HMGCLL1: variants seen among roughly 807,000 people sequenced by gnomAD.
HMGCLL1 encodes the protein 3-hydroxymethyl-3-methylglutaryl-CoA lyase, cytoplasmic.
HMGCLL1 carries 36 observed loss-of-function variants against 39.1 expected under a neutral mutation model. That is an observed-to-expected ratio of 0.92 (90% CI 0.71 to 1.22). The LOEUF (loss-of-function observed/expected upper bound fraction) is 1.22, where lower values mean the gene tolerates loss of function less well. Ranked by LOEUF, HMGCLL1 falls within the 50% of genes most tolerant of loss-of-function variation. HMGCLL1 has a pLI of 0.00. For synonymous variants in HMGCLL1, 149 were observed against 144.0 expected (o/e 1.03, Z -0.25); for missense variants, 451 against 416.5 (o/e 1.08, Z -0.72).
the HMGCLL1 span, among the ~76,000 whole-genome samples, chr6:55,592,804 G>A: frequency 6.6e-6 from 1 of 152,000 alleles, no homozygotes; most frequent in African/African-American, 2.4e-5. Flanking sequence ...TGATTCCTAT[G>A]TTACAGATGA....
At chr6:55,592,025 T>C in the HMGCLL1 span, among the ~76,000 whole-genome samples, 1 of 152,144 alleles carries the variant, frequency 6.6e-6, no homozygotes, top group Non-Finnish European at 1.5e-5. Context: ...TTTATAACTT[T>C]CAAATTACAT....
chr6:55,533,968 A>G (rs1768855590), intron 3 of HMGCLL1, among the ~76,000 whole-genome samples: 1 of 151,916 alleles, frequency 6.6e-6, no homozygotes, highest in African/African-American at 2.4e-5. Context: ...GTCTGGACAT[A>G]AAAAACAGCT....
At chr6:55,477,828 A>T (rs1408744438) in intron 7 of HMGCLL1, among the ~76,000 whole-genome samples, 1 of 150,790 alleles carries the variant, frequency 6.6e-6, no homozygotes, top group Non-Finnish European at 1.5e-5. Context: ...TTTGTTTAGA[A>T]TTTGTCATCA....
Position 55,579,084 on chromosome 6 carries a change from G to A in HMGCLL1, c.-29C>T, listed in dbSNP as rs767000602. On this transcript the variant is annotated 5_prime_UTR_variant, in exon 1 of 9. Coordinates refer to ENST00000274901, the MANE Select transcript of HMGCLL1 (RefSeq NM_001042406.2). ...GGAGCCTGGGGCGGCAGTCGGCGAG[G>A]GGAGGGAGACTGGAGGAGGATGAGG... The A allele has an allele frequency of 6.5e-7, 1 of 1,542,782 alleles. No homozygotes were observed. The highest frequency in any genetic ancestry group is 1.1e-5 in the South Asian group (1 of 87,208).
chr6:55,642,290 T>G, the HMGCLL1 span, among the ~76,000 whole-genome samples: 1 of 151,526 alleles, frequency 6.6e-6, no homozygotes, highest in Non-Finnish European at 1.5e-5. Flanking sequence ...TGCCACATTT[T>G]CTTAATCCAG....
At chr6:55,577,168 C>A in intron 1 of HMGCLL1, 1 of 1,577,426 alleles carries the variant, frequency 6.3e-7, no homozygotes, top group Non-Finnish European at 8.6e-7. Flanking sequence ...GAAGAGAAGT[C>A]TAGGAAGATA....
At chr6:55,607,598 C>G in the HMGCLL1 span, among the ~76,000 whole-genome samples, 1 of 152,076 alleles carries the variant, frequency 6.6e-6, no homozygotes, top group African/African-American at 2.4e-5. Flanking sequence ...AATAAAGGAC[C>G]AGCATCTCAG....
the HMGCLL1 span, among the ~76,000 whole-genome samples, chr6:55,589,501 A>C: frequency 6.6e-6 from 1 of 152,186 alleles, no homozygotes; most frequent in South Asian, 2.1e-4. Context: ...CAAGACAGGG[A>C]TGCCCTCTCT....
At chr6:55,632,360 T>C in the HMGCLL1 span, among the ~76,000 whole-genome samples, 4 of 151,320 alleles carry the variant, frequency 2.6e-5, no homozygotes, top group African/African-American at 9.7e-5. Context: ...TAATCTGCTT[T>C]GGTCATGGCA....
intron 1 of HMGCLL1, among the ~76,000 whole-genome samples, chr6:55,556,956 G>A (rs940175734): frequency 2.0e-5 from 3 of 152,138 alleles, no homozygotes; most frequent in African/African-American, 4.8e-5. Flanking sequence ...AGTCCCAAAT[G>A]TAATAAAAAG....
chr6:55,625,983 G>A, the HMGCLL1 span, among the ~76,000 whole-genome samples: 1 of 152,140 alleles, frequency 6.6e-6, no homozygotes, highest in Non-Finnish European at 1.5e-5. Flanking sequence ...AAGTCGTCAT[G>A]GTGCAGGGAT....
chr6:55,545,942 C>T (rs187945787), intron 1 of HMGCLL1, among the ~76,000 whole-genome samples: 179 of 152,232 alleles, frequency 1.2e-3, no homozygotes, highest in Admixed American at 0.01. Flanking sequence ...GTAACACCAG[C>T]ATATGCAATG....
At chr6:55,594,687 C>T in the HMGCLL1 span, among the ~76,000 whole-genome samples, 2 of 152,250 alleles carry the variant, frequency 1.3e-5, no homozygotes, top group Middle Eastern at 3.4e-3. Flanking sequence ...CAGCTAACTC[C>T]CTCTGGTATT....
At chr6:55,599,250 CTTAAAGTATAA>C in the HMGCLL1 span, among the ~76,000 whole-genome samples, 1 of 151,738 alleles carries the variant, frequency 6.6e-6, no homozygotes, top group Admixed American at 6.6e-5. Context: ...TATCCCAGAA[CTTAAAGTATAA>C]TTAAAAAAGA....
At chr6:55,480,497 C>T (rs1317939289) in intron 7 of HMGCLL1, among the ~76,000 whole-genome samples, 1 of 151,660 alleles carries the variant, frequency 6.6e-6, no homozygotes, top group Non-Finnish European at 1.5e-5. Flanking sequence ...AAAAAGGGAA[C>T]TCTCATACGC....
chr6:55,656,985 T>C, the HMGCLL1 span, among the ~76,000 whole-genome samples: 1 of 151,894 alleles, frequency 6.6e-6, no homozygotes, highest in African/African-American at 2.4e-5. Context: ...ACCACAGAAT[T>C]TGCTGATGAA....
the HMGCLL1 span, among the ~76,000 whole-genome samples, chr6:55,592,033 C>T: frequency 4.6e-5 from 7 of 151,824 alleles, no homozygotes; most frequent in Admixed American, 6.6e-5. Context: ...TTTCAAATTA[C>T]ATTTGGAAAA....
At chr6:55,519,147 A>T (rs1398404208) in intron 3 of HMGCLL1, among the ~76,000 whole-genome samples, 1 of 152,166 alleles carries the variant, frequency 6.6e-6, no homozygotes, top group Non-Finnish European at 1.5e-5. Flanking sequence ...TGCTGAAGGC[A>T]ATAGAAAGCC....
At chr6:55,613,919 C>T in the HMGCLL1 span, among the ~76,000 whole-genome samples, 8 of 152,146 alleles carry the variant, frequency 5.3e-5, no homozygotes, top group South Asian at 8.3e-4. Context: ...ACACATGTAT[C>T]CCAGAACTTA....
Sources: allele counts gnomAD v4.1 joint callset (sites outside exome capture counted in the v4.1 genomes callset), GRCh38; gene constraint gnomAD v4.1.1; transcripts MANE v1.5; gene names NCBI Gene and HGNC (gene_info 2026-07-23, HGNC 2026-07-21).